UTRN: variants seen among roughly 807,000 people sequenced by gnomAD.
UTRN encodes dystrophin-related protein 1.
A neutral mutation model predicts 463.9 loss-of-function variants in UTRN; 283 were observed. The ratio of observed to expected loss-of-function variants is 0.61; its 90% CI spans 0.55 to 0.67. The LOEUF (loss-of-function observed/expected upper bound fraction) is 0.67. UTRN is among the 30% of genes least tolerant of loss of function. The pLI is 0.00. For missense variants in UTRN, 3,922 were observed against 4,084.3 expected (o/e 0.96, Z 1.08); for synonymous variants, 1,442 against 1,431.5 (o/e 1.01, Z -0.17).
chr6:144,814,727 G>A (rs1041478221), intron 65 of UTRN, among the ~76,000 whole-genome samples: 1 of 152,178 alleles, frequency 6.6e-6, no homozygotes, highest in African/African-American at 2.4e-5. Flanking sequence ...CTAATCATGT[G>A]GGTGGTAGTA....
intron 48 of UTRN, among the ~76,000 whole-genome samples, chr6:144,553,917 A>C (rs1290520846): frequency 1.8e-5 from 2 of 108,750 alleles, no homozygotes; most frequent in Admixed American, 8.6e-5. Context: ...CTCTCTCTCA[A>C]AAAAAAAAAA....
At chr6:144,836,752 G>A in intron 71 of UTRN, 1 of 699,000 alleles carries the variant, frequency 1.4e-6, no homozygotes, top group East Asian at 3.1e-5. Flanking sequence ...GCTTACAATG[G>A]AATTTCCCAG....
intron 65 of UTRN, 21 bp from the exon 66 acceptor site, chr6:144,820,861 T>C (rs1414884576): frequency 1.2e-6 from 2 of 1,605,758 alleles, no homozygotes; most frequent in East Asian, 2.2e-5. Flanking sequence ...GAGAGAAGTG[T>C]AATTGTTTTC....
Position 144,354,872 on chromosome 6 carries a change from C to A in UTRN, c.80-48251C>A, listed in dbSNP as rs76440581. ...GTGTTTTTGAAAACGAGGTCTATCTCTGCACGGTGTTGAAAGATAGGTGGA... is the reference window on the plus strand; with the variant it reads ...GTGTTTTTGAAAACGAGGTCTATCTATGCACGGTGTTGAAAGATAGGTGGA... On this transcript the variant is annotated intron_variant, in intron 2 of 74. Coordinates refer to ENST00000367545, the MANE Select transcript of UTRN (RefSeq NM_007124.3). Among the ~76,000 whole-genome samples, 516 of 152,238 alleles carry A rather than the reference C, an allele frequency of 3.4e-3. 2 individuals carry two copies. Among genetic ancestry groups the A allele is most frequent in the African/African-American group, 0.011 (471 of 41,526 alleles).
chr6:144,509,423 C>T lies in UTRN; in HGVS notation c.4765-1521C>T, dbSNP rs527711304. ...TTCAATTTGTTTTTCAGCTGATTCT[C>T]ATAGCTTTTTTAGGTAAAGACTCAA... On this transcript the variant is annotated intron_variant, in intron 34 of 74. Coordinates refer to ENST00000367545, the MANE Select transcript of UTRN (RefSeq NM_007124.3). 5.3e-5 allele frequency among the ~76,000 whole-genome samples: 8 copies of T among 152,038 alleles called. No individual in the cohort carries two copies. In the South Asian group the frequency reaches 1.7e-3, roughly 32 times the overall value.
Position 144,793,833 on chromosome 6 carries a change from G to A in UTRN, c.8921-1G>A. ...AGTTAACCTCTTGCCTCTCTTTGCA[G>A]ATCTCTTTAAGGAAGTTGCAGGGCC... is the stretch of plus-strand genomic sequence containing the variant. On this transcript the variant is annotated splice_acceptor_variant, in intron 62 of 74. Coordinates refer to ENST00000367545, the MANE Select transcript of UTRN (RefSeq NM_007124.3). LOFTEE classifies it high-confidence loss of function. 6.2e-7 allele frequency: 1 copy of A among 1,613,394 alleles called. No homozygotes were observed. Among genetic ancestry groups the A allele is most frequent in the South Asian group, 1.1e-5 (1 of 90,912 alleles).
chr6:144,346,320 G>GA (rs1387905655), intron 2 of UTRN, among the ~76,000 whole-genome samples: 2 of 152,032 alleles, frequency 1.3e-5, no homozygotes, highest in African/African-American at 4.8e-5. Flanking sequence ...AAGGCTTTAG[G>GA]AAAATAGCAT....
chr6:144,568,465 T>G (rs1800626812), intron 50 of UTRN, among the ~76,000 whole-genome samples: 1 of 152,186 alleles, frequency 6.6e-6, no homozygotes, highest in Non-Finnish European at 1.5e-5. Context: ...TCTCAATACG[T>G]CCTCTAGCTG....
At chr6:144,508,456 C>T (rs563231042) in intron 34 of UTRN, among the ~76,000 whole-genome samples, 11 of 152,276 alleles carry the variant, frequency 7.2e-5, no homozygotes, top group East Asian at 1.9e-4. Flanking sequence ...TGGATAGCAC[C>T]GTACCTCACG....
intron 51 of UTRN, among the ~76,000 whole-genome samples, chr6:144,673,343 A>T (rs1280907366): frequency 2.0e-5 from 3 of 152,008 alleles, no homozygotes. Context: ...TTATTTTATA[A>T]ATTTGGGAGC....
intron 61 of UTRN, among the ~76,000 whole-genome samples, chr6:144,782,858 C>T (rs1472645397): frequency 1.3e-5 from 2 of 151,888 alleles, no homozygotes; most frequent in Non-Finnish European, 2.9e-5. Flanking sequence ...AGGAATTACT[C>T]ATTGTTCTGG....
chr6:144,536,277 A>G (rs12190718), intron 43 of UTRN, among the ~76,000 whole-genome samples: 24,502 of 152,204 alleles, frequency 0.16, 2,234 homozygotes, highest in South Asian at 0.31. Flanking sequence ...AAAGTACTAA[A>G]TTAGTCATGA....
chr6:144,695,284 C>T (rs1441875406), intron 52 of UTRN, among the ~76,000 whole-genome samples: 1 of 151,862 alleles, frequency 6.6e-6, no homozygotes, highest in Non-Finnish European at 1.5e-5. Context: ...ATATGTGGCT[C>T]AATACCATAG....
intron 54 of UTRN, among the ~76,000 whole-genome samples, chr6:144,745,829 T>G (rs953296879): frequency 1.3e-5 from 2 of 152,146 alleles, no homozygotes; most frequent in African/African-American, 4.8e-5. Context: ...AGTCAATGCT[T>G]AAGATATATT....
chr6:144,734,640 A>G (rs1450046647), intron 54 of UTRN, among the ~76,000 whole-genome samples: 1 of 152,076 alleles, frequency 6.6e-6, no homozygotes, highest in African/African-American at 2.4e-5. Flanking sequence ...ACTACATTCA[A>G]AAGGTACCTA....
intron 51 of UTRN, among the ~76,000 whole-genome samples, chr6:144,668,200 T>C (rs1041081065): frequency 6.6e-6 from 1 of 152,150 alleles, no homozygotes; most frequent in Non-Finnish European, 1.5e-5. Flanking sequence ...ATTCACCTCA[T>C]GTAACTGACA....
At chr6:144,758,062 C>G in intron 58 of UTRN, 73 bp downstream of exon 58, 2 of 1,294,940 alleles carry the variant, frequency 1.5e-6, no homozygotes, top group Non-Finnish European at 2.2e-6. Flanking sequence ...AGGCTTCTCT[C>G]CCCATAACTT....
chr6:144,591,750 C>T (rs1803094565), intron 51 of UTRN, among the ~76,000 whole-genome samples: 1 of 151,592 alleles, frequency 6.6e-6, no homozygotes, highest in African/African-American at 2.4e-5. Flanking sequence ...CCCCCAAAAT[C>T]CGAATTTAGT....
intron 2 of UTRN, among the ~76,000 whole-genome samples, chr6:144,301,536 C>CTTTTTTTTTTTTTTTTTT (rs200484231): frequency 2.2e-5 from 2 of 92,744 alleles, no homozygotes; most frequent in Non-Finnish European, 4.3e-5. Flanking sequence ...TTCTTTCTTT[C>CTTTTTTTTTTTTTTTTTT]TTTTTTTTTT....
Sources: allele counts gnomAD v4.1 joint callset (sites outside exome capture counted in the v4.1 genomes callset), GRCh38; gene constraint gnomAD v4.1.1; transcripts MANE v1.5; gene names NCBI Gene and HGNC (gene_info 2026-07-23, HGNC 2026-07-21).